SPON1: variants seen among roughly 807,000 people sequenced by gnomAD.
SPON1 encodes spondin 1, also known as spondin-1.
Under a neutral mutation model 111.7 loss-of-function variants are expected in SPON1, and 52 were observed. That is an observed-to-expected ratio of 0.47 (90% CI 0.37 to 0.59). SPON1 has a LOEUF of 0.59. SPON1 is among the 20% of genes least tolerant of loss of function. The probability of loss-of-function intolerance (pLI) is 0.00; values close to 1 mark genes in which losing one functional copy is unlikely to be tolerated. For synonymous variants in SPON1, 410 were observed against 395.8 expected, an observed-to-expected ratio of 1.04 and a Z score of -0.43; for missense variants, 957 against 1,068.5, an observed-to-expected ratio of 0.90 and a Z score of 1.46.
chr11:14,059,552 G>A (rs1287176534), intron 3 of SPON1, among the ~76,000 whole-genome samples: 5 of 152,074 alleles, frequency 3.3e-5, no homozygotes, highest in African/African-American at 1.2e-4. Context: ...GGGAGGAAAG[G>A]AGAAAAAACA....
intron 6 of SPON1, among the ~76,000 whole-genome samples, chr11:14,181,455 T>C (rs1258418849): frequency 6.6e-6 from 1 of 152,194 alleles, no homozygotes; most frequent in Non-Finnish European, 1.5e-5. Context: ...CCTATGACTT[T>C]CTCTCCTACA....
chr11:13,968,094 C>A (rs186173772), intron 1 of SPON1, among the ~76,000 whole-genome samples: 53 of 152,294 alleles, frequency 3.5e-4, no homozygotes, highest in Non-Finnish European at 6.9e-4. Context: ...ATATCAGGAG[C>A]TTTTCACTCT....
intron 15 of SPON1, among the ~76,000 whole-genome samples, chr11:14,264,797 A>G (rs1436807095): frequency 6.6e-6 from 1 of 152,140 alleles, no homozygotes; most frequent in Non-Finnish European, 1.5e-5. Flanking sequence ...GATCTAACCT[A>G]ATTAATCTCT....
At chr11:14,123,812 C>T (rs551190768) in intron 5 of SPON1, among the ~76,000 whole-genome samples, 1 of 152,362 alleles carries the variant, frequency 6.6e-6, no homozygotes, top group East Asian at 1.9e-4. Flanking sequence ...GCACCACAAA[C>T]AAGAAAGTGT....
At chr11:14,133,615 A>C (rs1341000608) in intron 5 of SPON1, among the ~76,000 whole-genome samples, 1 of 152,180 alleles carries the variant, frequency 6.6e-6, no homozygotes, top group African/African-American at 2.4e-5. Context: ...CAGGGAGAGC[A>C]AGAGTTTCTG....
chr11:14,020,004 C>T (rs1295058859), intron 2 of SPON1, among the ~76,000 whole-genome samples: 4 of 152,304 alleles, frequency 2.6e-5, no homozygotes, highest in Middle Eastern at 6.8e-3. Flanking sequence ...AGGAAAGGAA[C>T]AGGATAGCCA....
intron 6 of SPON1, among the ~76,000 whole-genome samples, chr11:14,156,671 C>A (rs1029874808): frequency 4.6e-5 from 7 of 152,012 alleles, no homozygotes; most frequent in African/African-American, 1.4e-4. Flanking sequence ...TAATTTTTGT[C>A]TAAGGTGTAA....
intron 7 of SPON1, among the ~76,000 whole-genome samples, chr11:14,248,656 T>C (rs1328255302): frequency 1.3e-5 from 2 of 152,200 alleles, no homozygotes; most frequent in South Asian, 2.1e-4. Context: ...GCAGCCAAGT[T>C]TTGTTTTGCA....
rs1377714251 is a variant in SPON1 at position 14,255,898 on chromosome 11, G to A, written c.1233+111G>A. On this transcript the variant is annotated intron_variant, in intron 9 of 15. Transcript: ENST00000576479. The stretch of plus-strand genomic sequence containing the variant: ...GAGTCACTGGCAGAAAGCACCTCAG[G>A]ATATGGAATTCCTGGGCCTCCCCAG... 6 of 1,189,314 alleles carry A rather than the reference G, an allele frequency of 5.0e-6. No individual in the cohort carries two copies. The African/African-American group carries it at 6.2e-5, about 12-fold the overall frequency. The allele number at this position is 1,189,314 out of a possible 1,614,324, so 73.7% of individuals were successfully genotyped here.
chr11:14,138,687 C>G (rs1423823723), intron 6 of SPON1, among the ~76,000 whole-genome samples: 1 of 152,124 alleles, frequency 6.6e-6, no homozygotes, highest in Non-Finnish European at 1.5e-5. Context: ...GGAAAGTGAG[C>G]TTATGAATAC....
rs1457479397 is a variant in SPON1 at position 14,262,543 on chromosome 11, GGCT to G, written c.1997-167_1997-165del. On this transcript the variant is annotated intron_variant, in intron 14 of 15. Transcript: ENST00000576479. ...GCCTCTGCTGCTTACCAACCACACG[GGCT>G]GAAGTCAGCCTGCCTCTTTGGAGCC... 4 of 828,126 alleles carry G rather than the reference GGCT, an allele frequency of 4.8e-6. No individual in the cohort carries two copies. In the East Asian group the frequency reaches 1.1e-4, roughly 22 times the overall value. The allele number at this position is 828,126 out of a possible 1,614,324, so 51.3% of individuals were successfully genotyped here. A position where few individuals can be genotyped will look rare whatever the true frequency, so the allele number is the denominator to read the frequency against.
At chr11:14,154,876 G>T (rs1479018521) in intron 6 of SPON1, among the ~76,000 whole-genome samples, 1 of 152,094 alleles carries the variant, frequency 6.6e-6, no homozygotes, top group East Asian at 1.9e-4. Context: ...TTGCTACTTA[G>T]AAATTTCTAA....
At chr11:14,249,550 T>C (rs1591426798) in intron 7 of SPON1, among the ~76,000 whole-genome samples, 2 of 152,086 alleles carry the variant, frequency 1.3e-5, no homozygotes, top group Non-Finnish European at 1.5e-5. Flanking sequence ...CCAAATTGAG[T>C]TTTTGCAACT....
At chr11:14,127,745 C>A (rs1353162729) in intron 5 of SPON1, among the ~76,000 whole-genome samples, 6 of 152,156 alleles carry the variant, frequency 3.9e-5, no homozygotes, top group African/African-American at 1.4e-4. Context: ...TGTATTAGTC[C>A]ATTTTCACAT....
chr11:14,093,243 G>C (rs1849073012), intron 5 of SPON1, among the ~76,000 whole-genome samples: 1 of 152,240 alleles, frequency 6.6e-6, no homozygotes, highest in African/African-American at 2.4e-5. Context: ...CTCAGAAGCA[G>C]TTGCTTCACA....
At chr11:14,076,552 A>C (rs1205868892) in intron 4 of SPON1, among the ~76,000 whole-genome samples, 7 of 152,210 alleles carry the variant, frequency 4.6e-5, no homozygotes, top group Non-Finnish European at 8.8e-5. Flanking sequence ...GAGGGGCCTG[A>C]CACAAAAAAT....
intron 4 of SPON1, among the ~76,000 whole-genome samples, chr11:14,078,437 C>T (rs1266356283): frequency 1.3e-5 from 2 of 152,058 alleles, no homozygotes; most frequent in African/African-American, 4.8e-5. Context: ...ATTTAGAAAT[C>T]GTAGAGCTAT....
At chr11:13,975,343 G>C (rs934210548) in intron 1 of SPON1, among the ~76,000 whole-genome samples, 1 of 152,142 alleles carries the variant, frequency 6.6e-6, no homozygotes, top group Non-Finnish European at 1.5e-5. Flanking sequence ...TTGGAAAAGG[G>C]ACCAGAATAG....
rs1365522482 is a variant in SPON1, at chr11:14,090,836, C to G, written c.676+10815C>G. Among the ~76,000 whole-genome samples the G allele has an allele frequency of 4.5e-4, 14 of 31,278 alleles. 4 individuals are homozygous for G. The highest frequency in any genetic ancestry group is 3.1e-3 in the Admixed American group (14 of 4,470). The allele number at this position is 31,278 out of a possible 152,430, so 20.5% of individuals were successfully genotyped here. ...ATTCTCTTATCTGGCCCCCCCCCCC[C>G]CCCCCCCCGCCCACATCCTGCTGAT... On this transcript the variant is annotated intron_variant, in intron 5 of 15. Coordinates refer to ENST00000576479, the MANE Select transcript of SPON1 (RefSeq NM_006108.4).
Sources: gnomAD v4.1 joint callset for allele counts (sites outside exome capture counted in the v4.1 genomes callset) on GRCh38, gnomAD v4.1.1 for gene constraint, MANE v1.5 for transcripts, NCBI Gene and HGNC (gene_info 2026-07-23, HGNC 2026-07-21) for gene names.